Variants in ACADM observed in about 807,000 individuals in gnomAD.
The protein encoded by ACADM is medium-chain specific acyl-CoA dehydrogenase, mitochondrial.
ACADM carries 49 observed loss-of-function variants against 58.9 expected under a neutral mutation model. The ratio of observed to expected loss-of-function variants is 0.83; its 90% CI spans 0.66 to 1.06. The LOEUF (loss-of-function observed/expected upper bound fraction) is 1.06. ACADM is among the 50% of genes least tolerant of loss of function. The pLI is 0.00. For missense variants in ACADM, 496 were observed against 507.0 expected (o/e 0.98, Z 0.21); for synonymous variants, 160 against 157.7 (o/e 1.01, Z -0.11).
At chr1:75,728,368 T>A (rs564279772) in intron 1 of ACADM, 33 bp from the exon 2 acceptor site, 52 of 1,556,756 alleles carry the variant, frequency 3.3e-5, no homozygotes, top group Non-Finnish European at 4.5e-5. Flanking sequence ...GTTTAACTTA[T>A]CAAATTTATT....
At chr1:75,748,536 C>T (rs1648022784) in intron 8 of ACADM, among the ~76,000 whole-genome samples, 1 of 152,144 alleles carries the variant, frequency 6.6e-6, no homozygotes, top group Non-Finnish European at 1.5e-5. Flanking sequence ...TGGGATACTA[C>T]TTAGCAGTAA....
intron 10 of ACADM, among the ~76,000 whole-genome samples, chr1:75,759,912 C>T (rs1232851125): frequency 2.6e-5 from 4 of 151,788 alleles, no homozygotes; most frequent in Admixed American, 6.6e-5. Context: ...CTGCCCGCCT[C>T]GGCCTCTCAA....
chr1:75,744,746 C>T, intron 7 of ACADM: 1 of 726,402 alleles, frequency 1.4e-6, no homozygotes, highest in Non-Finnish European at 2.6e-6. Flanking sequence ...TGGCTGAACG[C>T]CCGGGACACA....
rs875989873 is a variant in ACADM, at chr1:75,733,559, TTTAA to T, written c.322_325del (p.Ile108ValfsTer41). On this transcript the variant is annotated frameshift_variant, in exon 5 of 12. Coordinates refer to ENST00000370841, the MANE Select transcript of ACADM (RefSeq NM_000016.6). LOFTEE classifies it high-confidence loss of function. ...TTGGACTTGGAACTTTTGATGCTTG[TTTAA>T]TTAGTGAAGAATTGGCTTATGGATG... 9 of 1,614,116 alleles carry T rather than the reference TTTAA, an allele frequency of 5.6e-6. No individual in the cohort carries two copies. Among genetic ancestry groups the T allele is most frequent in the Non-Finnish European group, 7.6e-6 (9 of 1,180,010 alleles).
intron 7 of ACADM, among the ~76,000 whole-genome samples, chr1:75,743,241 G>A (rs1287881115): frequency 2.0e-5 from 3 of 152,160 alleles, no homozygotes; most frequent in African/African-American, 7.2e-5. Flanking sequence ...GAGGGAGAGA[G>A]CCAGGCAGGA....
rs778906552 is a variant in ACADM at position 75,734,846 on chromosome 1, G to A, written c.443G>A (p.Arg148Lys). Residue 148 changes from arginine (R) to lysine (K), a missense_variant, in exon 6 of 12, where the codon AGA becomes AAA. Coordinates refer to ENST00000370841, the MANE Select transcript of ACADM (RefSeq NM_000016.6). ...CAACAAAAGAAGAAGTATTTGGGGA[G>A]AATGACTGAGGAGCCATTGATGTGT... ...NDQQKKKYLG[R>K]MTEEPLMCAY... is the part of the protein sequence containing the mutation. 3.4e-5 allele frequency: 55 copies of A among 1,613,640 alleles called. No individual in the cohort carries two copies. The Admixed American group carries it at 8.3e-4, about 24-fold the overall frequency.
intron 10 of ACADM, among the ~76,000 whole-genome samples, chr1:75,758,069 A>G (rs35283569): frequency 0.039 from 5,992 of 151,874 alleles, 141 homozygotes; most frequent in Middle Eastern, 0.054. Flanking sequence ...TTTTTTAATT[A>G]TTATTTTTTT....
chr1:75,742,520 G>A (rs187523206), intron 7 of ACADM, among the ~76,000 whole-genome samples: 65 of 152,314 alleles, frequency 4.3e-4, no homozygotes, highest in Middle Eastern at 3.4e-3. Context: ...AAGGCAATCT[G>A]AGTCTAGAGG....
intron 9 of ACADM, 146 bp from the exon 10 acceptor site, chr1:75,750,305 T>G: frequency 1.4e-6 from 1 of 701,350 alleles, no homozygotes. Flanking sequence ...AATATAAACT[T>G]ACGTGCCTAT....
intron 2 of ACADM, 23 bp downstream of exon 2, chr1:75,728,511 T>A (rs1336352750): frequency 6.5e-7 from 1 of 1,548,906 alleles, no homozygotes; most frequent in East Asian, 2.3e-5. Flanking sequence ...TTCTATCTTT[T>A]GACTTTAAAC....
chr1:75,726,381 G>A (rs201995198), intron 1 of ACADM, among the ~76,000 whole-genome samples: 1 of 50,574 alleles, frequency 2.0e-5, no homozygotes, highest in Non-Finnish European at 4.3e-5. Flanking sequence ...AAAAAAAAAA[G>A]TCCCTCAGTA....
Position 75,753,390 on chromosome 1 carries a change from A to G in ACADM, c.945+2844A>G, listed in dbSNP as rs1405262041. On this transcript the variant is annotated intron_variant, in intron 10 of 11. Coordinates refer to ENST00000370841, the MANE Select transcript of ACADM (RefSeq NM_000016.6). Reference sequence around the variant, plus strand: ...TTTAAATTCCTTTTTAGAGGCACTTAGAGATTTCTGTTTCTTTCCTATGAG... The same window carrying G: ...TTTAAATTCCTTTTTAGAGGCACTTGGAGATTTCTGTTTCTTTCCTATGAG... 5.9e-5 allele frequency among the ~76,000 whole-genome samples: 9 copies of G among 151,520 alleles called. No individual in the cohort carries two copies. In the East Asian group the frequency reaches 1.7e-3, roughly 29 times the overall value.
chr1:75,725,362 A>G (rs544692928), intron 1 of ACADM, among the ~76,000 whole-genome samples: 1 of 152,328 alleles, frequency 6.6e-6, no homozygotes, highest in Non-Finnish European at 1.5e-5. Flanking sequence ...TATCTTAAAT[A>G]TTCTTGATAT....
intron 9 of ACADM, 69 bp downstream of exon 9, chr1:75,749,628 T>A (rs1648090591): frequency 1.5e-6 from 2 of 1,379,044 alleles, no homozygotes; most frequent in Non-Finnish European, 1.0e-6. Flanking sequence ...ATTTTTACTT[T>A]AAAATTGTAT....
chr1:75,733,082 C>T, intron 4 of ACADM, 160 bp downstream of exon 4: 1 of 1,613,058 alleles, frequency 6.2e-7, no homozygotes, highest in Non-Finnish European at 8.5e-7. Flanking sequence ...TGGAAGCTTG[C>T]ACTCTATACC....
chr1:75,759,486 C>T (rs1164612668), intron 10 of ACADM, among the ~76,000 whole-genome samples: 3 of 152,096 alleles, frequency 2.0e-5, no homozygotes, highest in Non-Finnish European at 4.4e-5. Flanking sequence ...ATATCTTGGC[C>T]ATATAACTAA....
At chr1:75,749,683 A>T in intron 9 of ACADM, 124 bp downstream of exon 9, 11 of 774,818 alleles carry the variant, frequency 1.4e-5, no homozygotes, top group Non-Finnish European at 2.2e-5. Flanking sequence ...TTTATTAAGG[A>T]TATAGGAAAA....
chr1:75,744,366 G>A, intron 7 of ACADM: 2 of 1,577,732 alleles, frequency 1.3e-6, no homozygotes, highest in South Asian at 1.1e-5. Flanking sequence ...AAAGCGGAGT[G>A]CCTCCTTCGA....
At chr1:75,736,392 TA>T (rs1185351211) in intron 6 of ACADM, among the ~76,000 whole-genome samples, 2 of 152,214 alleles carry the variant, frequency 1.3e-5, no homozygotes, top group African/African-American at 4.8e-5. Flanking sequence ...TTCAGATACC[TA>T]AAATTTCAAG....
Sources: gnomAD v4.1 joint callset for allele counts (sites outside exome capture counted in the v4.1 genomes callset) on GRCh38, gnomAD v4.1.1 for gene constraint, MANE v1.5 for transcripts, NCBI Gene and HGNC (gene_info 2026-07-23, HGNC 2026-07-21) for gene names.